Variants in LMO7 observed in about 807,000 individuals in gnomAD.
The protein encoded by LMO7 is LIM domain only protein 7.
Under a neutral mutation model 206.5 loss-of-function variants are expected in LMO7, and 120 were observed. That is an observed-to-expected ratio of 0.58 (90% CI 0.50 to 0.68). LMO7 has a LOEUF of 0.68. Ranked by LOEUF, LMO7 falls within the 30% of genes least tolerant of loss-of-function variation. LMO7 has a pLI of 0.00. For synonymous variants in LMO7, 706 were observed against 681.5 expected, an observed-to-expected ratio of 1.04 and a Z score of -0.56; for missense variants, 1,959 against 1,957.9, an observed-to-expected ratio of 1.00 and a Z score of -0.01.
intron 4 of LMO7, among the ~76,000 whole-genome samples, chr13:75,761,266 T>C (rs1282407585): frequency 1.3e-5 from 2 of 152,158 alleles, no homozygotes; most frequent in Non-Finnish European, 2.9e-5. Context: ...TAAATCTCTA[T>C]ACCGACAAAA....
rs1382542151 is a variant in LMO7 at position 75,804,496 on chromosome 13, G to A, written c.869G>A (p.Ser290Asn). 17 of 1,614,058 alleles carry A rather than the reference G, an allele frequency of 1.1e-5. No homozygotes were observed. In the Admixed American group the frequency reaches 1.2e-4, roughly 11 times the overall value. ...GACAAACATGAGGATAACAGAAGAA[G>A]TTGGGCAAGCCCGGTTTATACAGAA... ...KPDKHEDNRRSWASPVYTEAD... is the reference protein window; with the variant it reads ...KPDKHEDNRRNWASPVYTEAD... The change falls in exon 8 of 31, where the codon AGT becomes AAT. Residue 290 changes from serine (S) to asparagine (N), a missense_variant. Ser to Asn is a conservative substitution (Grantham distance 46). Coordinates refer to ENST00000377534, the MANE Select transcript of LMO7 (RefSeq NM_001306080.2).
intron 7 of LMO7, 89 bp downstream of exon 7, chr13:75,800,971 A>G (rs1298111590): frequency 8.0e-7 from 1 of 1,247,446 alleles, no homozygotes; most frequent in Non-Finnish European, 1.2e-6. Context: ...AGCAAAAACT[A>G]GGCAAAAATT....
At chr13:75,744,654 G>A (rs1423893869) in intron 3 of LMO7, among the ~76,000 whole-genome samples, 1 of 152,186 alleles carries the variant, frequency 6.6e-6, no homozygotes, top group Non-Finnish European at 1.5e-5. Context: ...GAAGGCACTG[G>A]TCACCCAATT....
intron 6 of LMO7, among the ~76,000 whole-genome samples, chr13:75,797,044 C>G (rs1321912484): frequency 6.6e-6 from 1 of 152,194 alleles, no homozygotes; most frequent in Non-Finnish European, 1.5e-5. Context: ...TCCTTCCTTA[C>G]ACACTTTATG....
At chr13:75,679,491 C>T (rs555197933) in intron 1 of LMO7, among the ~76,000 whole-genome samples, 1 of 152,326 alleles carries the variant, frequency 6.6e-6, no homozygotes, top group South Asian at 2.1e-4. Flanking sequence ...TTTTGGACCA[C>T]CTGCATCAGA....
chr13:75,746,569 A>G (rs975583973), intron 3 of LMO7, among the ~76,000 whole-genome samples: 2 of 152,172 alleles, frequency 1.3e-5, no homozygotes, highest in Admixed American at 1.3e-4. Flanking sequence ...TTCTGATGCA[A>G]TCCCTGTGTC....
At chr13:75,669,119 C>T (rs1287021829) in intron 1 of LMO7, among the ~76,000 whole-genome samples, 1 of 152,092 alleles carries the variant, frequency 6.6e-6, no homozygotes, top group African/African-American at 2.4e-5. Flanking sequence ...AAAGTAAGTG[C>T]AGTAACCAGT....
chr13:75,690,112 C>A (rs1317037657), intron 1 of LMO7, among the ~76,000 whole-genome samples: 1 of 147,338 alleles, frequency 6.8e-6, no homozygotes, highest in South Asian at 2.2e-4. Flanking sequence ...TTTTATTTTA[C>A]TTTTAGAGAT....
At chr13:75,648,294 G>T (rs1316101697) in intron 1 of LMO7, among the ~76,000 whole-genome samples, 1 of 152,020 alleles carries the variant, frequency 6.6e-6, no homozygotes, top group Admixed American at 6.6e-5. Context: ...GAATTAAAAG[G>T]TATTATTATT....
intron 9 of LMO7, chr13:75,807,110 A>G: frequency 5.2e-6 from 1 of 190,648 alleles, no homozygotes; most frequent in Non-Finnish European, 1.1e-5. Flanking sequence ...ACAGAGTGAG[A>G]CTCTGTCTCA....
intron 1 of LMO7, among the ~76,000 whole-genome samples, chr13:75,639,413 G>C (rs1951831): frequency 0.3 from 46,309 of 152,078 alleles, 7,219 homozygotes; most frequent in Middle Eastern, 0.35. Context: ...AATGATATTG[G>C]ATTATTACAT....
At chr13:75,826,906 C>G (rs9544049) in intron 15 of LMO7, among the ~76,000 whole-genome samples, 19,780 of 152,046 alleles carry the variant, frequency 0.13, 1,708 homozygotes, top group Admixed American at 0.21. Flanking sequence ...TTGGACACAT[C>G]ACGTACTTTT....
At chr13:75,760,248 C>G (rs749171043) in intron 3 of LMO7, 1 of 538,828 alleles carries the variant, frequency 1.9e-6, no homozygotes, top group African/African-American at 2.1e-5. Context: ...TGAGGGCAAC[C>G]TTGGAGGGAG....
chr13:75,712,470 CAGAG>C (rs1594449189), intron 1 of LMO7, among the ~76,000 whole-genome samples: 1 of 152,184 alleles, frequency 6.6e-6, no homozygotes, highest in East Asian at 1.9e-4. Context: ...CCTCCCCCTT[CAGAG>C]AGAGAATCTA....
intron 25 of LMO7, 84 bp from the exon 26 acceptor site, chr13:75,845,243 C>A: frequency 3.1e-6 from 2 of 645,832 alleles, no homozygotes; most frequent in South Asian, 2.5e-5. Context: ...CTTTAAAAAG[C>A]AATCTCTTCG....
chr13:75,782,665 G>C (rs2051704570), intron 4 of LMO7, among the ~76,000 whole-genome samples: 1 of 152,162 alleles, frequency 6.6e-6, no homozygotes, highest in South Asian at 2.1e-4. Context: ...CATCAGCAGG[G>C]TTGGTTTCTT....
At chr13:75,649,183 G>C (rs2037325976) in intron 1 of LMO7, among the ~76,000 whole-genome samples, 2 of 152,156 alleles carry the variant, frequency 1.3e-5, no homozygotes, top group African/African-American at 2.4e-5. Flanking sequence ...CCAAATACTG[G>C]ATATCGATTT....
intron 1 of LMO7, among the ~76,000 whole-genome samples, chr13:75,708,779 C>A (rs2042846329): frequency 6.6e-6 from 1 of 151,874 alleles, no homozygotes; most frequent in Non-Finnish European, 1.5e-5. Context: ...GTGCTTTAAA[C>A]ATTACATTTT....
At chr13:75,729,675 G>A (rs2044916144) in intron 3 of LMO7, among the ~76,000 whole-genome samples, 1 of 151,416 alleles carries the variant, frequency 6.6e-6, no homozygotes, top group South Asian at 2.1e-4. Context: ...TTGAATAGGA[G>A]TGGTGAGAGA....
Sources: allele counts gnomAD v4.1 joint callset (sites outside exome capture counted in the v4.1 genomes callset), GRCh38; gene constraint gnomAD v4.1.1; transcripts MANE v1.5; gene names NCBI Gene and HGNC (gene_info 2026-07-23, HGNC 2026-07-21).